Variants in PPM1H observed in about 807,000 individuals in gnomAD.
PPM1H encodes protein phosphatase, Mg2+/Mn2+ dependent 1H.
PPM1H carries 27 observed loss-of-function variants against 54.9 expected under a neutral mutation model. The observed-to-expected ratio is 0.49, with a 90% confidence interval of 0.36 to 0.68. The LOEUF (loss-of-function observed/expected upper bound fraction) is 0.68, where lower values mean the gene tolerates loss of function less well. Ranked by LOEUF, PPM1H falls within the 30% of genes least tolerant of loss-of-function variation. The probability of loss-of-function intolerance (pLI) is 0.00; values close to 1 mark genes in which losing one functional copy is unlikely to be tolerated. For missense variants in PPM1H, 596 were observed against 667.8 expected (o/e 0.89, Z 1.19); for synonymous variants, 305 against 270.8 (o/e 1.13, Z -1.24).
intron 6 of PPM1H, among the ~76,000 whole-genome samples, chr12:62,708,102 C>A (rs1299766445): frequency 1.3e-5 from 2 of 152,252 alleles, no homozygotes; most frequent in African/African-American, 4.8e-5. Flanking sequence ...TGACAACACA[C>A]TAGTTCTGAA....
intron 8 of PPM1H, among the ~76,000 whole-genome samples, chr12:62,677,119 C>T (rs558248524): frequency 6.6e-6 from 1 of 152,336 alleles, no homozygotes; most frequent in East Asian, 1.9e-4. Flanking sequence ...CTCATCTCCA[C>T]TGAGGGCTGC....
chr12:62,934,848 C>A lies in PPM1H; in HGVS notation c.-112G>T. 2 of 1,097,262 alleles carry A rather than the reference C, an allele frequency of 1.8e-6. No individual in the cohort carries two copies. Among genetic ancestry groups the A allele is most frequent in the Non-Finnish European group, 2.3e-6 (2 of 863,686 alleles). 68.0% of individuals were successfully genotyped at this position (1,097,262 alleles called of 1,614,324 possible). On this transcript the variant is annotated 5_prime_UTR_variant, in exon 1 of 10. Coordinates refer to ENST00000228705, the MANE Select transcript of PPM1H (RefSeq NM_020700.2). The surrounding 1 kb of genome is among the most constrained non-coding windows in gnomAD (Gnocchi z 4.2). ...GGCGCCGGGCGCACGGCGAGTCGGG[C>A]CACTGGGACGCGCCGCGCGCGGCTC...
chr12:62,889,315 A>G (rs1870699280), intron 1 of PPM1H, among the ~76,000 whole-genome samples: 1 of 152,138 alleles, frequency 6.6e-6, no homozygotes, highest in Non-Finnish European at 1.5e-5. Context: ...TAATCAATAC[A>G]ATACTGAAGG....
At chr12:62,694,357 A>C (rs2136642148) in intron 6 of PPM1H, among the ~76,000 whole-genome samples, 1 of 152,330 alleles carries the variant, frequency 6.6e-6, no homozygotes, top group East Asian at 1.9e-4. Flanking sequence ...CTCAGAGATG[A>C]ATGGAGTGTG....
chr12:62,893,781 C>T (rs1010915433), intron 1 of PPM1H, among the ~76,000 whole-genome samples: 12 of 152,086 alleles, frequency 7.9e-5, no homozygotes, highest in African/African-American at 2.7e-4. Flanking sequence ...ACCACCACAC[C>T]CCGCGTTCAT....
intron 1 of PPM1H, among the ~76,000 whole-genome samples, chr12:62,878,573 C>A (rs1439722758): frequency 2.3e-5 from 3 of 128,176 alleles, no homozygotes; most frequent in Admixed American, 9.6e-5. Context: ...AGGATGGTGG[C>A]TGGAGGGTAG....
intron 1 of PPM1H, among the ~76,000 whole-genome samples, chr12:62,897,593 GC>G: frequency 6.6e-6 from 1 of 152,118 alleles, no homozygotes; most frequent in Non-Finnish European, 1.5e-5. Flanking sequence ...CTCTGATGAA[GC>G]ATGTATGGGT....
At chr12:62,815,750 G>A (rs563864399) in intron 2 of PPM1H, among the ~76,000 whole-genome samples, 2 of 152,270 alleles carry the variant, frequency 1.3e-5, no homozygotes, top group Admixed American at 1.3e-4. Flanking sequence ...GGAAAATTGA[G>A]GTATGGAGAA....
chr12:62,658,212 T>TTTTTCC (rs768288538), intron 9 of PPM1H, among the ~76,000 whole-genome samples: 8 of 130,596 alleles, frequency 6.1e-5, no homozygotes, highest in South Asian at 2.6e-4. Context: ...TTTTTTTTTT[T>TTTTTCC]AAGTAAAAAA....
intron 4 of PPM1H, among the ~76,000 whole-genome samples, chr12:62,741,771 C>T (rs928750769): frequency 3.9e-5 from 6 of 152,118 alleles, no homozygotes; most frequent in African/African-American, 1.4e-4. Context: ...CTCCAGTGCT[C>T]AGTGCCTGGC....
Position 62,748,653 on chromosome 12 carries a change from A to G in PPM1H, c.870-11067T>C, listed in dbSNP as rs149779625. 4.3e-3 allele frequency among the ~76,000 whole-genome samples: 654 copies of G among 152,310 alleles called. 1 individual carries two copies. Among genetic ancestry groups the G allele is most frequent in the Non-Finnish European group, 7.0e-3 (476 of 68,028 alleles). Reference sequence around the variant, plus strand: ...CTGAAAGGCTATACTGTGACAGCCAAAGCATGAAATGATAAAGACTGTGGG... The same window carrying G: ...CTGAAAGGCTATACTGTGACAGCCAGAGCATGAAATGATAAAGACTGTGGG... On this transcript the variant is annotated intron_variant, in intron 4 of 9. Transcript: ENST00000228705.
At chr12:62,767,616 C>T (rs1158444688) in intron 4 of PPM1H, among the ~76,000 whole-genome samples, 4 of 152,142 alleles carry the variant, frequency 2.6e-5, no homozygotes, top group African/African-American at 7.2e-5. Context: ...TGTCAACTTC[C>T]AGTCTGGAGA....
At chr12:62,726,742 T>C (rs2076291869) in intron 5 of PPM1H, among the ~76,000 whole-genome samples, 1 of 152,184 alleles carries the variant, frequency 6.6e-6, no homozygotes, top group East Asian at 1.9e-4. Context: ...CAGGTGACCA[T>C]GACTGGCTAG....
At chr12:62,838,337 G>T (rs931839909) in intron 1 of PPM1H, among the ~76,000 whole-genome samples, 9 of 105,140 alleles carry the variant, frequency 8.6e-5, no homozygotes, top group Admixed American at 2.6e-4. Context: ...GTGTGTGTGT[G>T]TGGGGGGGGG....
intron 1 of PPM1H, among the ~76,000 whole-genome samples, chr12:62,932,901 C>T (rs1275049440): frequency 6.6e-6 from 1 of 152,002 alleles, no homozygotes; most frequent in Admixed American, 6.5e-5. Flanking sequence ...TCCCAAAGTG[C>T]TGCGATTACA....
intron 1 of PPM1H, among the ~76,000 whole-genome samples, chr12:62,888,336 C>T (rs772124493): frequency 6.6e-5 from 10 of 152,064 alleles, no homozygotes; most frequent in African/African-American, 1.7e-4. Context: ...CAAGGGGAGT[C>T]GTCCAGTAGT....
At chr12:62,671,791 G>C (rs1013530927) in intron 8 of PPM1H, among the ~76,000 whole-genome samples, 7 of 152,146 alleles carry the variant, frequency 4.6e-5, no homozygotes, top group African/African-American at 1.7e-4. Flanking sequence ...GAAGAAGGGA[G>C]GGCTGAGAAA....
At chr12:62,757,929 AC>A (rs755137002) in intron 4 of PPM1H, among the ~76,000 whole-genome samples, 2 of 152,166 alleles carry the variant, frequency 1.3e-5, no homozygotes, top group Non-Finnish European at 2.9e-5. Context: ...CCCACATGCA[AC>A]CCTTTATGGC....
intron 4 of PPM1H, among the ~76,000 whole-genome samples, chr12:62,759,705 C>T (rs941518210): frequency 3.3e-5 from 5 of 152,252 alleles, no homozygotes; most frequent in East Asian, 1.9e-4. Flanking sequence ...TCCTTCTCTC[C>T]GTGTCTCTAC....
Sources: allele counts gnomAD v4.1 joint callset (sites outside exome capture counted in the v4.1 genomes callset), GRCh38; gene constraint gnomAD v4.1.1; non-coding constraint Gnocchi (gnomAD v3.1); transcripts MANE v1.5; gene names NCBI Gene and HGNC (gene_info 2026-07-23, HGNC 2026-07-21).